NHS: variants seen among roughly 807,000 people sequenced by gnomAD.
NHS encodes the protein actin remodeling regulator NHS.
A neutral mutation model predicts 72.5 loss-of-function variants in NHS; 5 were observed. The ratio of observed to expected loss-of-function variants is 0.07; its 90% CI spans 0.04 to 0.14. The LOEUF (loss-of-function observed/expected upper bound fraction) is 0.14, where lower values mean the gene tolerates loss of function less well. Ranked by LOEUF, NHS falls within the 10% of genes least tolerant of loss-of-function variation. NHS has a pLI of 1.00. For synonymous variants in NHS, 464 were observed against 547.7 expected (o/e 0.85, Z 2.13); for missense variants, 1,072 against 1,355.7 (o/e 0.79, Z 3.29).
chrX:17,728,692 A>G lies in NHS; in HGVS notation c.4266A>G (p.Glu1422=), dbSNP rs750451719. The G allele has an allele frequency of 2.5e-6, 3 of 1,210,472 alleles. No homozygotes were observed. The South Asian group carries it at 5.3e-5, about 21-fold the overall frequency. The change falls in exon 8 of 9, where the codon GAA becomes GAG. Residue 1422 remains glutamate (E), a synonymous_variant. Coordinates refer to ENST00000676302, the MANE Select transcript of NHS (RefSeq NM_001291867.2). ...SDDSIISPLS[E]DSQAEAEGVF... ...ACTCCATCATTTCACCACTTAGTGAAGACTCCCAAGCTGAAGCAGAGGGTG... is the reference window on the plus strand; with the variant it reads ...ACTCCATCATTTCACCACTTAGTGAGGACTCCCAAGCTGAAGCAGAGGGTG...
At chrX:17,518,688 C>T (rs939345940) in intron 1 of NHS, among the ~76,000 whole-genome samples, 5 of 112,020 alleles carry the variant, frequency 4.5e-5, no homozygotes, top group Admixed American at 9.5e-5. Context: ...TTCTACCTGG[C>T]GGCAAGGAAG....
rs1392793629 is a variant in NHS, at chrX:17,735,612, C to T, written c.*3148C>T. 3 of 112,013 alleles carry T rather than the reference C, an allele frequency of 2.7e-5. No individual in the cohort carries two copies. Among genetic ancestry groups the T allele is most frequent in the Non-Finnish European group, 3.8e-5 (2 of 53,159 alleles). The allele number at this position is 112,013 out of a possible 1,213,427, so 9.2% of individuals were successfully genotyped here. ...GAGTGCATTTGCTGCAGTGGTGGCACGTAGAGAACTAGATGGTAATAAAGA... is the reference window on the plus strand; with the variant it reads ...GAGTGCATTTGCTGCAGTGGTGGCATGTAGAGAACTAGATGGTAATAAAGA... On this transcript the variant is annotated 3_prime_UTR_variant, in exon 9 of 9. Transcript: ENST00000676302.
At chrX:17,506,479 C>G (rs181179931) in intron 1 of NHS, among the ~76,000 whole-genome samples, 5 of 107,167 alleles carry the variant, frequency 4.7e-5, no homozygotes, top group South Asian at 8.3e-4. Context: ...TGCAGTGAGC[C>G]GAGATCACAC....
intron 1 of NHS, among the ~76,000 whole-genome samples, chrX:17,515,210 T>C (rs1002008878): frequency 4.5e-5 from 5 of 112,154 alleles, no homozygotes; most frequent in African/African-American, 1.6e-4. Context: ...GCAGTGCCTG[T>C]ATGACCCTTC....
intron 1 of NHS, among the ~76,000 whole-genome samples, chrX:17,632,305 C>T (rs1446459584): frequency 9.0e-6 from 1 of 110,910 alleles, no homozygotes; most frequent in African/African-American, 3.3e-5. Context: ...CACAGTAGGA[C>T]GCAATTCTCT....
At chrX:17,500,966 C>T (rs2065034217) in intron 1 of NHS, among the ~76,000 whole-genome samples, 1 of 107,897 alleles carries the variant, frequency 9.3e-6, no homozygotes, top group Admixed American at 9.9e-5. Flanking sequence ...ATTGTAAATA[C>T]TCAATAAGTG....
intron 1 of NHS, among the ~76,000 whole-genome samples, chrX:17,384,776 A>G (rs897463943): frequency 1.1e-4 from 12 of 112,151 alleles, no homozygotes; most frequent in African/African-American, 3.6e-4. Flanking sequence ...TGACATTTTG[A>G]AATTTTAGGG....
intron 1 of NHS, among the ~76,000 whole-genome samples, chrX:17,476,684 CA>C (rs1366053446): frequency 8.9e-6 from 1 of 111,756 alleles, no homozygotes; most frequent in Non-Finnish European, 1.9e-5. Flanking sequence ...CTGAATCCTA[CA>C]GAAGGATTAT....
At chrX:17,569,852 G>A (rs934353287) in intron 1 of NHS, among the ~76,000 whole-genome samples, 3 of 112,025 alleles carry the variant, frequency 2.7e-5, no homozygotes, top group East Asian at 2.8e-4. Context: ...TGTATAAGGT[G>A]TAAGGAAGGG....
At chrX:17,641,400 T>A (rs1344728415) in intron 1 of NHS, among the ~76,000 whole-genome samples, 1 of 111,993 alleles carries the variant, frequency 8.9e-6, no homozygotes. Flanking sequence ...GCTTTTGAGT[T>A]CAATGATAAA....
chrX:17,466,768 A>T (rs1382724752), intron 1 of NHS, among the ~76,000 whole-genome samples: 1 of 111,768 alleles, frequency 8.9e-6, no homozygotes, highest in Admixed American at 9.5e-5. Flanking sequence ...CAATGCACAT[A>T]TCCAACTTTT....
At chrX:17,579,136 A>T (rs1364821703) in intron 1 of NHS, among the ~76,000 whole-genome samples, 1 of 112,327 alleles carries the variant, frequency 8.9e-6, no homozygotes, top group Non-Finnish European at 1.9e-5. Flanking sequence ...TAGGCAAGAA[A>T]CATTTCCCCT....
At chrX:17,476,092 G>A (rs2064916331) in intron 1 of NHS, among the ~76,000 whole-genome samples, 1 of 112,124 alleles carries the variant, frequency 8.9e-6, no homozygotes, top group Non-Finnish European at 1.9e-5. Flanking sequence ...GGAGGGATTG[G>A]CAGAGAAAGC....
intron 1 of NHS, among the ~76,000 whole-genome samples, chrX:17,643,184 T>C (rs1269951460): frequency 8.0e-5 from 9 of 112,560 alleles, no homozygotes; most frequent in Non-Finnish European, 1.7e-4. Context: ...AATATTTACA[T>C]AACAACTTGC....
At chrX:17,443,345 G>A (rs2064764954) in intron 1 of NHS, among the ~76,000 whole-genome samples, 1 of 111,908 alleles carries the variant, frequency 8.9e-6, no homozygotes, top group Non-Finnish European at 1.9e-5. Context: ...CTTTGAGCGT[G>A]TAAACATGCT....
Position 17,474,718 on chromosome X carries a change from T to C in NHS, c.565+98396T>C, listed in dbSNP as rs758751244. Among the ~76,000 whole-genome samples, 8 of 111,859 alleles carry C rather than the reference T, an allele frequency of 7.2e-5. No individual in the cohort carries two copies. The East Asian group carries it at 2.0e-3, about 28-fold the overall frequency. On this transcript the variant is annotated intron_variant, in intron 1 of 8. Coordinates refer to ENST00000676302, the MANE Select transcript of NHS (RefSeq NM_001291867.2). ...GGGGCAGGAGCTTGGGTGAGGCAGC[T>C]CCTTTCTGCAGAAGGCAATTCCCAG... is the stretch of plus-strand genomic sequence containing the variant.
intron 1 of NHS, among the ~76,000 whole-genome samples, chrX:17,685,269 C>T (rs2066155275): frequency 9.0e-6 from 1 of 111,727 alleles, no homozygotes; most frequent in Admixed American, 9.5e-5. Context: ...AAGAGATAGA[C>T]AGGATGGTGG....
rs142686353 is a variant in NHS at position 17,731,224 on chromosome X, C to CTT, written c.4350-607_4350-606dup. On this transcript the variant is annotated intron_variant, in intron 8 of 8. Coordinates refer to ENST00000676302, the MANE Select transcript of NHS (RefSeq NM_001291867.2). ...GTTTAGTTAGCAGTATAGTTTCTTC[C>CTT]TTTTTTTTTTTTTTTTTTTTTTTTT... 5.2e-4 allele frequency among the ~76,000 whole-genome samples: 18 copies of CTT among 34,839 alleles called. 1 individual carries two copies. Among genetic ancestry groups the CTT allele is most frequent in the African/African-American group, 1.5e-3 (12 of 8,084 alleles). The allele number at this position is 34,839 out of a possible 115,157, so 30.3% of individuals were successfully genotyped here. A position where few individuals can be genotyped will look rare whatever the true frequency, so the allele number is the denominator to read the frequency against.
chrX:17,635,729 T>G (rs2065843173), intron 1 of NHS: 1 of 703,813 alleles, frequency 1.4e-6, no homozygotes, highest in Non-Finnish European at 2.1e-6. Flanking sequence ...CCAATGAAAG[T>G]GAGCCCTTTC....
Sources: gnomAD v4.1 joint callset for allele counts (sites outside exome capture counted in the v4.1 genomes callset) on GRCh38, gnomAD v4.1.1 for gene constraint, MANE v1.5 for transcripts, NCBI Gene and HGNC (gene_info 2026-07-23, HGNC 2026-07-21) for gene names.